Variants in SLC39A10 observed in about 807,000 individuals in gnomAD.
SLC39A10 encodes the protein zinc transporter ZIP10.
SLC39A10 carries 13 observed loss-of-function variants against 65.1 expected under a neutral mutation model. The ratio of observed to expected loss-of-function variants is 0.20; its 90% CI spans 0.13 to 0.32. SLC39A10 has a LOEUF of 0.32. Among genes scored for constraint, SLC39A10 ranks in the 10% least tolerant of loss-of-function variants. The pLI is 1.00. For synonymous variants in SLC39A10, 321 were observed against 342.2 expected, an observed-to-expected ratio of 0.94 and a Z score of 0.68; for missense variants, 831 against 1,018.4, an observed-to-expected ratio of 0.82 and a Z score of 2.50.
At chr2:195,617,975 G>A (rs577317310) in intron 2 of SLC39A10, among the ~76,000 whole-genome samples, 20 of 150,068 alleles carry the variant, frequency 1.3e-4, no homozygotes, top group Middle Eastern at 3.4e-3. Flanking sequence ...TCCAGACCTC[G>A]TGATCCGCCC....
rs1692684040 is a variant in SLC39A10 at position 195,737,445 on chromosome 2, T to C, written c.*2404T>C. ...TTATGCTTAGAAATACTATAGTAAC[T>C]AGATGCAGTGTGAATTTTTTCCATT... On this transcript the variant is annotated 3_prime_UTR_variant, in exon 10 of 10. Coordinates refer to ENST00000359634, the MANE Select transcript of SLC39A10 (RefSeq NM_020342.3). 1 of 162,474 alleles carries C rather than the reference T, an allele frequency of 6.2e-6. No homozygotes were observed. The highest frequency in any genetic ancestry group is 1.4e-5 in the Non-Finnish European group (1 of 73,690). 10.1% of individuals were successfully genotyped at this position (162,474 alleles called of 1,614,324 possible). A position where few individuals can be genotyped will look rare whatever the true frequency, so the allele number is the denominator to read the frequency against.
At chr2:195,646,378 A>G (rs1483496252) in intron 2 of SLC39A10, among the ~76,000 whole-genome samples, 1 of 152,160 alleles carries the variant, frequency 6.6e-6, no homozygotes, top group Non-Finnish European at 1.5e-5. Context: ...TGTCCCTATC[A>G]CAGTTTCCTA....
At position 195,735,744 on chromosome 2, in the gene SLC39A10, A is replaced by T. The variant is rs1692574168; in HGVS notation, c.*703A>T. 6.7e-6 allele frequency: 1 copy of T among 150,314 alleles called. No individual in the cohort carries two copies. Among genetic ancestry groups the T allele is most frequent in the Non-Finnish European group, 1.5e-5 (1 of 67,468 alleles). 9.3% of individuals were successfully genotyped at this position (150,314 alleles called of 1,614,324 possible). A position where few individuals can be genotyped will look rare whatever the true frequency, so the allele number is the denominator to read the frequency against. ...AAGATTCATAATGGTTCTTTGTATTATTATAATACTTGGTGTTGGGGTGTT... is the reference window on the plus strand; with the variant it reads ...AAGATTCATAATGGTTCTTTGTATTTTTATAATACTTGGTGTTGGGGTGTT... On this transcript the variant is annotated 3_prime_UTR_variant, in exon 10 of 10. Transcript: ENST00000359634.
At chr2:195,633,942 G>T (rs1404152880) in intron 2 of SLC39A10, among the ~76,000 whole-genome samples, 1 of 152,172 alleles carries the variant, frequency 6.6e-6, no homozygotes, top group Non-Finnish European at 1.5e-5. Context: ...GTGGGGCTTC[G>T]CCAGGGACCC....
At chr2:195,732,126 A>G (rs1692451078) in intron 9 of SLC39A10, among the ~76,000 whole-genome samples, 1 of 152,200 alleles carries the variant, frequency 6.6e-6, no homozygotes, top group Admixed American at 6.5e-5. Flanking sequence ...GGTGTTGGCC[A>G]TATCCTGACA....
At chr2:195,652,378 T>C (rs1195335740), upstream of SLC39A10, among the ~76,000 whole-genome samples, 1 of 151,722 alleles carries the variant, frequency 6.6e-6, no homozygotes. Flanking sequence ...AGAAAACCCG[T>C]CTCTCCCCCA....
intron 3 of SLC39A10, among the ~76,000 whole-genome samples, chr2:195,693,185 TG>T (rs1690807798): frequency 6.6e-6 from 1 of 152,236 alleles, no homozygotes; most frequent in African/African-American, 2.4e-5. Context: ...CACTTGATCA[TG>T]GTAGATTACC....
intron 2 of SLC39A10, among the ~76,000 whole-genome samples, chr2:195,617,700 G>GTTTCTTTTCT (rs58481026): frequency 0.017 from 1,685 of 97,588 alleles, 86 homozygotes; most frequent in Admixed American, 0.094. Context: ...GTGAGACCTT[G>GTTTCTTTTCT]TTTCTTTTCT....
At chr2:195,657,107 G>A (rs567078332), upstream of SLC39A10, 3 of 152,616 alleles carry the variant, frequency 2.0e-5, no homozygotes, top group East Asian at 5.8e-4. Context: ...AGGCGGACGG[G>A]GTGCGGCTGC....
chr2:195,701,556 C>A (rs910641455), intron 3 of SLC39A10, among the ~76,000 whole-genome samples: 1 of 145,912 alleles, frequency 6.9e-6, no homozygotes, highest in Non-Finnish European at 1.5e-5. Context: ...AAGTCAGATT[C>A]TTCTCCTTCC....
intron 8 of SLC39A10, among the ~76,000 whole-genome samples, chr2:195,726,959 G>T (rs982155709): frequency 6.6e-6 from 1 of 152,044 alleles, no homozygotes; most frequent in Admixed American, 6.6e-5. Flanking sequence ...AAGCTAATGG[G>T]TTTTTTTCTT....
At chr2:195,646,349 T>C (rs1050943069) in intron 2 of SLC39A10, among the ~76,000 whole-genome samples, 2 of 152,202 alleles carry the variant, frequency 1.3e-5, no homozygotes, top group African/African-American at 2.4e-5. Flanking sequence ...CTTTATCCAC[T>C]GTCACTTCTC....
At chr2:195,623,737 T>A (rs1222486338) in intron 2 of SLC39A10, among the ~76,000 whole-genome samples, 1 of 152,240 alleles carries the variant, frequency 6.6e-6, no homozygotes, top group Non-Finnish European at 1.5e-5. Flanking sequence ...CACTTTTATG[T>A]GTATTATTCT....
At chr2:195,687,183 T>C (rs1429638943) in intron 3 of SLC39A10, among the ~76,000 whole-genome samples, 1 of 152,154 alleles carries the variant, frequency 6.6e-6, no homozygotes, top group African/African-American at 2.4e-5. Context: ...TGCCTGTAAA[T>C]TCTCACTGTG....
chr2:195,662,299 ATC>A, intron 1 of SLC39A10, among the ~76,000 whole-genome samples: 1 of 148,342 alleles, frequency 6.7e-6, no homozygotes, highest in South Asian at 2.1e-4. Context: ...GTGAGACAGT[ATC>A]TCTGTTCCCC....
chr2:195,646,074 T>C (rs1688907624), intron 2 of SLC39A10, among the ~76,000 whole-genome samples: 1 of 151,972 alleles, frequency 6.6e-6, no homozygotes, highest in Non-Finnish European at 1.5e-5. Context: ...AGCTCCTGAG[T>C]AGCTGGGACT....
chr2:195,633,745 G>T (rs936193323), intron 2 of SLC39A10, among the ~76,000 whole-genome samples: 6 of 152,120 alleles, frequency 3.9e-5, no homozygotes, highest in African/African-American at 1.4e-4. Flanking sequence ...CTGAAGTCCC[G>T]CTGTCGAGCT....
intron 8 of SLC39A10, among the ~76,000 whole-genome samples, chr2:195,719,389 A>G (rs538117545): frequency 3.4e-4 from 52 of 152,290 alleles, no homozygotes; most frequent in African/African-American, 1.2e-3. Flanking sequence ...CACATTTTAC[A>G]TATGTAGCAC....
intron 1 of SLC39A10, among the ~76,000 whole-genome samples, chr2:195,666,791 C>T (rs1689654419): frequency 6.6e-6 from 1 of 152,164 alleles, no homozygotes; most frequent in Non-Finnish European, 1.5e-5. Context: ...CTTCATAATG[C>T]ATGTAACTAA....
Sources: gnomAD v4.1 joint callset for allele counts (sites outside exome capture counted in the v4.1 genomes callset) on GRCh38, gnomAD v4.1.1 for gene constraint, MANE v1.5 for transcripts, NCBI Gene and HGNC (gene_info 2026-07-23, HGNC 2026-07-21) for gene names.